PTPN2: variants seen among roughly 807,000 people sequenced by gnomAD.
PTPN2 encodes tyrosine-protein phosphatase non-receptor type 2.
A neutral mutation model predicts 57.3 loss-of-function variants in PTPN2; 19 were observed. The ratio of observed to expected loss-of-function variants is 0.33; its 90% CI spans 0.23 to 0.49. PTPN2 has a LOEUF of 0.49. Among genes scored for constraint, PTPN2 ranks in the 20% least tolerant of loss-of-function variants. The pLI, the probability that PTPN2 is intolerant of heterozygous loss-of-function variation, is 0.99. For synonymous variants in PTPN2, 153 were observed against 164.9 expected (o/e 0.93, Z 0.55); for missense variants, 358 against 501.1 (o/e 0.71, Z 2.73).
At chr18:12,852,387 G>A (rs1598850773) in intron 2 of PTPN2, among the ~76,000 whole-genome samples, 1 of 152,176 alleles carries the variant, frequency 6.6e-6, no homozygotes, top group Non-Finnish European at 1.5e-5. Flanking sequence ...GTTTCCCAAA[G>A]TAACCATTAC....
chr18:12,861,225 G>T (rs993946168), intron 1 of PTPN2, among the ~76,000 whole-genome samples: 2 of 152,184 alleles, frequency 1.3e-5, no homozygotes, highest in African/African-American at 2.4e-5. Context: ...GAATGGACTG[G>T]TAAGTACTTT....
chr18:12,853,179 T>C (rs946120048), intron 2 of PTPN2, among the ~76,000 whole-genome samples: 5 of 152,224 alleles, frequency 3.3e-5, no homozygotes, highest in Admixed American at 2.0e-4. Flanking sequence ...AGAGACAGTC[T>C]TGCTCTGTCA....
intron 1 of PTPN2, among the ~76,000 whole-genome samples, chr18:12,872,951 T>G (rs1391668773): frequency 2.0e-5 from 3 of 152,208 alleles, no homozygotes. Context: ...CTGGACGCGG[T>G]GGCTCACGCC....
At chr18:12,788,432 CT>C (rs71174142), downstream of PTPN2, among the ~76,000 whole-genome samples, 116 of 90,100 alleles carry the variant, frequency 1.3e-3, 1 homozygote, top group African/African-American at 4.6e-3. Context: ...GGGATCAGGG[CT>C]TTTTTTTTTT....
intron 1 of PTPN2, among the ~76,000 whole-genome samples, chr18:12,866,638 A>G (rs2044004226): frequency 6.6e-6 from 1 of 152,116 alleles, no homozygotes; most frequent in Non-Finnish European, 1.5e-5. Context: ...ATATTCTGAA[A>G]TTAAGATTTA....
At chr18:12,878,964 T>G (rs924288980) in intron 1 of PTPN2, among the ~76,000 whole-genome samples, 1 of 152,210 alleles carries the variant, frequency 6.6e-6, no homozygotes, top group Non-Finnish European at 1.5e-5. Context: ...TTTTCCTCAG[T>G]AGGCACACAG....
intron 7 of PTPN2, 63 bp downstream of exon 7, chr18:12,814,140 C>T (rs1292095475): frequency 1.7e-6 from 2 of 1,196,780 alleles, no homozygotes; most frequent in African/African-American, 1.6e-5. Context: ...AAGTGGAGTG[C>T]AGTTATTTGA....
intron 5 of PTPN2, chr18:12,821,476 CTG>C (rs1018291256): frequency 6.6e-6 from 1 of 152,186 alleles, no homozygotes; most frequent in African/African-American, 2.4e-5. Context: ...GATGTCAAAT[CTG>C]TACCTTCACT....
chr18:12,879,285 T>A (rs1044013455), intron 1 of PTPN2, among the ~76,000 whole-genome samples: 19 of 152,156 alleles, frequency 1.2e-4, no homozygotes, highest in African/African-American at 4.3e-4. Context: ...ATTACAGGGA[T>A]GAGCCACCGC....
chr18:12,852,742 A>G (rs1357888221), intron 2 of PTPN2, among the ~76,000 whole-genome samples: 10 of 152,216 alleles, frequency 6.6e-5, no homozygotes, highest in African/African-American at 2.2e-4. Context: ...AGAACTCCAA[A>G]TGTAGTTTCC....
intron 1 of PTPN2, among the ~76,000 whole-genome samples, chr18:12,882,507 CT>C (rs2044696683): frequency 6.6e-6 from 1 of 152,146 alleles, no homozygotes. Flanking sequence ...GTTATATTCA[CT>C]TTTCTCTTTT....
intron 1 of PTPN2, among the ~76,000 whole-genome samples, chr18:12,878,596 G>A (rs1017839070): frequency 6.6e-6 from 1 of 151,742 alleles, no homozygotes. Flanking sequence ...CTTGAACCTG[G>A]GGGGAGCAGA....
At chr18:12,871,143 TATAG>T (rs1309624304) in intron 1 of PTPN2, among the ~76,000 whole-genome samples, 3 of 152,216 alleles carry the variant, frequency 2.0e-5, no homozygotes, top group African/African-American at 7.2e-5. Context: ...AGTACTTCCA[TATAG>T]ATAATGAGTT....
chr18:12,848,729 C>T (rs1003095632), intron 2 of PTPN2, among the ~76,000 whole-genome samples: 7 of 152,368 alleles, frequency 4.6e-5, no homozygotes, highest in African/African-American at 1.7e-4. Context: ...CAAGAATCAC[C>T]TATGTGGGGT....
chr18:12,824,351 G>A (rs1316600808), intron 5 of PTPN2, among the ~76,000 whole-genome samples: 1 of 152,182 alleles, frequency 6.6e-6, no homozygotes, highest in African/African-American at 2.4e-5. Flanking sequence ...CACAGAGCAT[G>A]CACCTGTGCT....
At chr18:12,820,684 G>A (rs781705462) in intron 5 of PTPN2, among the ~76,000 whole-genome samples, 7 of 151,820 alleles carry the variant, frequency 4.6e-5, no homozygotes, top group Non-Finnish European at 7.4e-5. Flanking sequence ...CACCCTTCTC[G>A]CTGCTTCACC....
intron 1 of PTPN2, among the ~76,000 whole-genome samples, chr18:12,876,952 G>A (rs893778199): frequency 1.3e-5 from 2 of 152,168 alleles, no homozygotes; most frequent in South Asian, 2.1e-4. Flanking sequence ...ATCATAAGAA[G>A]AAAGCACTAC....
chr18:12,845,378 G>A lies in PTPN2; in HGVS notation c.161-8487C>T, dbSNP rs61525946. Among the ~76,000 whole-genome samples, 1,083 of 152,168 alleles carry A rather than the reference G, an allele frequency of 7.1e-3. 18 individuals are homozygous for A. The highest frequency in any genetic ancestry group is 0.025 in the African/African-American group (1,053 of 41,524). On this transcript the variant is annotated intron_variant, in intron 2 of 8. Coordinates refer to ENST00000309660, the MANE Select transcript of PTPN2 (RefSeq NM_002828.4). ...GATTTCTTTTATCCATGTGTTTGGTGCTTTCAACATACAGATCCTATATGT... is the reference window on the plus strand; with the variant it reads ...GATTTCTTTTATCCATGTGTTTGGTACTTTCAACATACAGATCCTATATGT...
At position 12,817,331 on chromosome 18, in the gene PTPN2, T is replaced by C. The variant is rs1203900630; in HGVS notation, c.530A>G (p.Tyr177Cys). The C allele has an allele frequency of 1.2e-6, 2 of 1,613,914 alleles. No homozygotes were observed. Among genetic ancestry groups the C allele is most frequent in the East Asian group, 2.2e-5 (1 of 44,882 alleles). Reference sequence around the variant, plus strand: ...GACTCCAAAATCTGGCCAGGTAGTATAATGAAAGTGAGATATTGTTCTGGT... The same window carrying C: ...GACTCCAAAATCTGGCCAGGTAGTACAATGAAAGTGAGATATTGTTCTGGT... Reference protein sequence around the residue: ...GETRTISHFHYTTWPDFGVPE... With the variant: ...GETRTISHFHCTTWPDFGVPE... The change falls in exon 6 of 9, where the codon TAT becomes TGT. Residue 177 changes from tyrosine to cysteine, a missense_variant. Coordinates refer to ENST00000309660, the MANE Select transcript of PTPN2 (RefSeq NM_002828.4).
Sources: allele counts gnomAD v4.1 joint callset (sites outside exome capture counted in the v4.1 genomes callset), GRCh38; gene constraint gnomAD v4.1.1; transcripts MANE v1.5; gene names NCBI Gene and HGNC (gene_info 2026-07-23, HGNC 2026-07-21).